Variants in CNBD1 observed in about 807,000 individuals in gnomAD.
CNBD1 encodes the protein cyclic nucleotide binding domain containing 1.
Under a neutral mutation model 54.4 loss-of-function variants are expected in CNBD1, and 71 were observed. The observed-to-expected ratio is 1.30, with a 90% CI of 1.08 to 1.59. The LOEUF (loss-of-function observed/expected upper bound fraction) is 1.59. Ranked by LOEUF, CNBD1 falls within the 40% of genes most tolerant of loss-of-function variation. The pLI is 0.00. For missense variants in CNBD1, 659 were observed against 518.0 expected, an observed-to-expected ratio of 1.27 and a Z score of -2.64; for synonymous variants, 182 against 170.7, an observed-to-expected ratio of 1.07 and a Z score of -0.51.
At chr8:87,144,574 C>A (rs999810205) in intron 4 of CNBD1, among the ~76,000 whole-genome samples, 4 of 152,164 alleles carry the variant, frequency 2.6e-5, no homozygotes, top group Non-Finnish European at 4.4e-5. Context: ...AGAATCCCAG[C>A]ACTTCGGGAG....
At chr8:87,387,893 A>T (rs1053167160) in intron 2 of CNBD1, among the ~76,000 whole-genome samples, 19 of 152,174 alleles carry the variant, frequency 1.2e-4, no homozygotes, top group Non-Finnish European at 2.8e-4. Context: ...AATAGAAATT[A>T]TAACAAACTG....
chr8:86,918,149 T>A (rs1446280195), intron 3 of CNBD1, among the ~76,000 whole-genome samples: 4 of 152,152 alleles, frequency 2.6e-5, no homozygotes, highest in Non-Finnish European at 5.9e-5. Flanking sequence ...TACTGTCTCT[T>A]TAAAACATGC....
At chr8:87,203,538 C>T (rs1586327033) in intron 4 of CNBD1, among the ~76,000 whole-genome samples, 1 of 152,170 alleles carries the variant, frequency 6.6e-6, no homozygotes, top group Non-Finnish European at 1.5e-5. Flanking sequence ...AGCTGTGTAA[C>T]TAGAGATAGA....
At chr8:87,384,549 G>A (rs1334748941), downstream of CNBD1, among the ~76,000 whole-genome samples, 1 of 152,106 alleles carries the variant, frequency 6.6e-6, no homozygotes, top group Non-Finnish European at 1.5e-5. Context: ...CCTCCATGTA[G>A]GAATGATAGA....
chr8:87,416,540 C>T lies in CNBD1; in HGVS notation c.214-12006C>T, dbSNP rs968966594. On this transcript the variant is annotated intron_variant, in intron 2 of 7. Transcript: ENST00000521593. ...GGAAGTGTGACAGTCACTGGAAAGACCAGAACAGGGTTGGAGACCCTTAAA... is the reference window on the plus strand; with the variant it reads ...GGAAGTGTGACAGTCACTGGAAAGATCAGAACAGGGTTGGAGACCCTTAAA... Among the ~76,000 whole-genome samples, 16 of 151,950 alleles carry T rather than the reference C, an allele frequency of 1.1e-4. No individual in the cohort carries two copies. The East Asian group carries it at 1.5e-3, about 15-fold the overall frequency.
intron 4 of CNBD1, among the ~76,000 whole-genome samples, chr8:87,158,459 C>T (rs1812789816): frequency 6.6e-6 from 1 of 152,172 alleles, no homozygotes; most frequent in Non-Finnish European, 1.5e-5. Context: ...AACTTGATTT[C>T]TATCCAAGGA....
intron 10 of CNBD1, among the ~76,000 whole-genome samples, chr8:87,371,420 A>C (rs1386592368): frequency 1.3e-5 from 2 of 151,710 alleles, no homozygotes; most frequent in African/African-American, 4.8e-5. Context: ...GTGGTTTGTA[A>C]TTCTCCTTGA....
intron 3 of CNBD1, among the ~76,000 whole-genome samples, chr8:86,933,248 T>C (rs1563827197): frequency 6.6e-6 from 1 of 152,154 alleles, no homozygotes; most frequent in South Asian, 2.1e-4. Flanking sequence ...GTCTTACTTA[T>C]ATAAGACTGG....
At chr8:87,369,300 C>T (rs1161161831) in intron 10 of CNBD1, among the ~76,000 whole-genome samples, 1 of 151,908 alleles carries the variant, frequency 6.6e-6, no homozygotes, top group Non-Finnish European at 1.5e-5. Context: ...TCTACCATTC[C>T]GTACATGCTG....
intron 4 of CNBD1, among the ~76,000 whole-genome samples, chr8:87,021,850 T>A (rs1809494371): frequency 6.6e-6 from 1 of 152,212 alleles, no homozygotes; most frequent in Admixed American, 6.5e-5. Context: ...TTAGTAGGCA[T>A]TATGAGTGTC....
chr8:86,965,631 A>G (rs1202767637), intron 4 of CNBD1, among the ~76,000 whole-genome samples: 2 of 152,080 alleles, frequency 1.3e-5, no homozygotes, highest in African/African-American at 2.4e-5. Context: ...CTTCCTGCAG[A>G]TGAGCCCTCA....
chr8:87,373,507 C>T (rs898529474), intron 10 of CNBD1, among the ~76,000 whole-genome samples: 26 of 151,792 alleles, frequency 1.7e-4, no homozygotes, highest in Non-Finnish European at 1.0e-4. Context: ...TGATTTTATA[C>T]TCTTGTAATT....
intron 4 of CNBD1, among the ~76,000 whole-genome samples, chr8:87,103,217 G>A (rs1006736761): frequency 1.3e-5 from 2 of 152,144 alleles, no homozygotes; most frequent in Non-Finnish European, 2.9e-5. Flanking sequence ...GAAGAGGTAT[G>A]GTGAGTAGGA....
chr8:87,157,476 A>G (rs1476807363), intron 4 of CNBD1, among the ~76,000 whole-genome samples: 2 of 152,210 alleles, frequency 1.3e-5, no homozygotes, highest in African/African-American at 4.8e-5. Context: ...CTCACGCATT[A>G]TGACTGTCCT....
chr8:87,118,780 A>G (rs1346887504), intron 4 of CNBD1, among the ~76,000 whole-genome samples: 3 of 152,156 alleles, frequency 2.0e-5, no homozygotes, highest in Non-Finnish European at 4.4e-5. Context: ...ACACTTTATA[A>G]TTTAACACAC....
At chr8:87,388,270 A>T (rs1011928168) in intron 2 of CNBD1, among the ~76,000 whole-genome samples, 30 of 152,190 alleles carry the variant, frequency 2.0e-4, no homozygotes, top group Non-Finnish European at 3.1e-4. Context: ...GAACTGAAGG[A>T]ATTAGAGACA....
chr8:87,032,039 G>T (rs577780228), intron 4 of CNBD1, among the ~76,000 whole-genome samples: 1 of 152,182 alleles, frequency 6.6e-6, no homozygotes, highest in Non-Finnish European at 1.5e-5. Flanking sequence ...ACAGTGCCCA[G>T]CCTAACCCTT....
intron 2 of CNBD1, among the ~76,000 whole-genome samples, chr8:86,889,056 A>G (rs1808727046): frequency 6.6e-6 from 1 of 152,056 alleles, no homozygotes; most frequent in African/African-American, 2.4e-5. Flanking sequence ...TCCCTCTAGT[A>G]AGTCTTATGT....
chr8:87,025,650 C>T (rs1809626935), intron 4 of CNBD1, among the ~76,000 whole-genome samples: 1 of 152,142 alleles, frequency 6.6e-6, no homozygotes, highest in Non-Finnish European at 1.5e-5. Flanking sequence ...CTCCTGAAGT[C>T]AGCAAGACAA....
Sources: gnomAD v4.1 joint callset for allele counts (sites outside exome capture counted in the v4.1 genomes callset) on GRCh38, gnomAD v4.1.1 for gene constraint, MANE v1.5 for transcripts, NCBI Gene and HGNC (gene_info 2026-07-23, HGNC 2026-07-21) for gene names.